The following RUSC1 variants were observed in gnomAD, a reference collection of about 807,000 sequenced individuals.
RUSC1 encodes AP-4 complex accessory subunit RUSC1.
Under a neutral mutation model 72.1 loss-of-function variants are expected in RUSC1, and 40 were observed. That is an observed-to-expected ratio of 0.55 (90% CI 0.43 to 0.72). RUSC1 has a LOEUF of 0.72. RUSC1 is among the 30% of genes least tolerant of loss of function. The pLI is 0.00. For missense variants in RUSC1, 1,092 were observed against 1,172.3 expected, an observed-to-expected ratio of 0.93 and a Z score of 1.00; for synonymous variants, 512 against 494.2, an observed-to-expected ratio of 1.04 and a Z score of -0.48.
rs1650711859 is a variant in RUSC1 at position 155,322,714 on chromosome 1, C to A, written c.941C>A (p.Thr314Lys). The A allele has an allele frequency of 1.2e-6, 2 of 1,614,124 alleles. No individual in the cohort carries two copies. The highest frequency in any genetic ancestry group is 3.3e-5 in the Admixed American group (2 of 60,016). ...SEEPVPHRTI[T>K]SFHELAQKRK... Reference sequence around the variant, plus strand: ...GAGCCGGTGCCCCACCGGACAATCACGTCCTTCCACGAGCTGGCCCAGAAG... The same window carrying A: ...GAGCCGGTGCCCCACCGGACAATCAAGTCCTTCCACGAGCTGGCCCAGAAG... Residue 314 changes from threonine (T) to lysine (K), a missense_variant, in exon 2 of 10, where the codon ACG (threonine) becomes AAG (lysine). Physicochemically the swap from Thr to Lys is moderately conservative, Grantham distance 78. Transcript: ENST00000368352.
rs1052882207 is a variant in RUSC1 at position 155,321,004 on chromosome 1, C to T, written c.-87+13C>T. 18 of 1,506,068 alleles carry T rather than the reference C, an allele frequency of 1.2e-5. No individual in the cohort carries two copies. Among genetic ancestry groups the T allele is most frequent in the South Asian group, 4.5e-5 (4 of 88,966 alleles). The allele number at this position is 1,506,068 out of a possible 1,614,324, so 93.3% of individuals were successfully genotyped here. A position where few individuals can be genotyped will look rare whatever the true frequency, so the allele number is the denominator to read the frequency against. On this transcript the variant is annotated intron_variant, in intron 1 of 9. Transcript: ENST00000368352. ...CAGGAGGACCCTGGTGAGGAGGGCT[C>T]GGCCCATGGGTGTAGACCGATGGAC... is the stretch of plus-strand genomic sequence containing the variant.
rs1650549023 is a variant in RUSC1, at chr1:155,321,717, A to G, written c.-57A>G. On this transcript the variant is annotated 5_prime_UTR_variant, in exon 2 of 10. The change abolishes an upstream ATG in the 5' untranslated region. Coordinates refer to ENST00000368352, the MANE Select transcript of RUSC1 (RefSeq NM_001105203.2). ...GCACCTGTGGTTGCCAGGTAGGTGG[A>G]TGTGAGAGACCCTACCCTTCTGGTT... 1 of 1,598,432 alleles carries G rather than the reference A, an allele frequency of 6.3e-7. No homozygotes were observed. Among genetic ancestry groups the G allele is most frequent in the Non-Finnish European group, 8.6e-7 (1 of 1,169,414 alleles).
chr1:155,324,486 C>T, intron 2 of RUSC1: 1 of 1,606,846 alleles, frequency 6.2e-7, no homozygotes, highest in Non-Finnish European at 8.5e-7. Context: ...CTGGGCTACA[C>T]CTCCCTCCCC....
Position 155,322,747 on chromosome 1 carries a change from G to A in RUSC1, c.974G>A (p.Arg325Gln). ...CACGAGCTGGCCCAGAAGCGCAAGC[G>A]GGGCCCAGGGCTGCCCCTTGTCCCG... Reference protein sequence around the residue: ...SFHELAQKRKRGPGLPLVPQA... With the variant: ...SFHELAQKRKQGPGLPLVPQA... Residue 325 changes from arginine (R) to glutamine (Q), a missense_variant, in exon 2 of 10, where the codon CGG becomes CAG. Transcript: ENST00000368352. 1 of 1,614,116 alleles carries A rather than the reference G, an allele frequency of 6.2e-7. No homozygotes were observed. The highest frequency in any genetic ancestry group is 8.5e-7 in the Non-Finnish European group (1 of 1,179,994).
intron 9 of RUSC1, 76 bp from the exon 10 acceptor site, chr1:155,330,327 T>C: frequency 6.7e-7 from 1 of 1,487,536 alleles, no homozygotes; most frequent in South Asian, 1.2e-5. Context: ...ACAAGGGCAC[T>C]CTAGAGGTGA....
At chr1:155,321,328 C>G (rs764034875) in intron 1 of RUSC1, 1 of 1,373,006 alleles carries the variant, frequency 7.3e-7, no homozygotes, top group African/African-American at 1.5e-5. Flanking sequence ...GTGGGTCTCC[C>G]TGGGTCCCTT....
intron 9 of RUSC1, among the ~76,000 whole-genome samples, chr1:155,328,618 T>G (rs1047780313): frequency 6.6e-6 from 1 of 151,390 alleles, no homozygotes; most frequent in African/African-American, 2.4e-5. Context: ...TTTTTTTTTT[T>G]GAGATGGAGT....
rs921924598 is a variant in RUSC1, at chr1:155,323,032, T to C, written c.1259T>C (p.Ile420Thr). ...AAGAACCGACCTGGACTGCAGCCCA[T>C]AGCGGAGGGGCAGTCCGAGGAGGGC... is the stretch of plus-strand genomic sequence containing the variant. ...RKKNRPGLQP[I>T]AEGQSEEGRA... Residue 420 changes from isoleucine (I) to threonine (T), a missense_variant, in exon 2 of 10, where the codon ATA (isoleucine) becomes ACA (threonine). Physicochemically the swap from Ile to Thr is moderately conservative, Grantham distance 89. Coordinates refer to ENST00000368352, the MANE Select transcript of RUSC1 (RefSeq NM_001105203.2). 34 of 1,234,550 alleles carry C rather than the reference T, an allele frequency of 2.8e-5. No individual in the cohort carries two copies. Among genetic ancestry groups the C allele is most frequent in the Non-Finnish European group, 3.0e-5 (29 of 969,128 alleles). 76.5% of individuals were successfully genotyped at this position (1,234,550 alleles called of 1,614,324 possible).
rs1055413719 is a variant in RUSC1 at position 155,329,890 on chromosome 1, G to A, written c.2541-513G>A. ...GGAGAATTGCTTGAACCTGGGAGGT[G>A]GAGGCTGTTGAGATCACACCACTGC... On this transcript the variant is annotated intron_variant, in intron 9 of 9. Transcript: ENST00000368352. 4.2e-4 allele frequency among the ~76,000 whole-genome samples: 64 copies of A among 150,658 alleles called. 1 individual carries two copies. The highest frequency in any genetic ancestry group is 1.5e-3 in the African/African-American group (63 of 40,916).
At chr1:155,327,201 ACT>A (rs1651510580) in intron 8 of RUSC1, 69 bp downstream of exon 8, 3 of 1,444,902 alleles carry the variant, frequency 2.1e-6, no homozygotes, top group Non-Finnish European at 2.8e-6. Flanking sequence ...TTCATTTGAA[ACT>A]CTCTAGTGAT....
In RUSC1 at chr1:155,322,971, C is replaced by CCG; in HGVS notation, c.1198_1199insCG (p.Arg400ProfsTer22). On this transcript the variant is annotated frameshift_variant, in exon 2 of 10. Coordinates refer to ENST00000368352, the MANE Select transcript of RUSC1 (RefSeq NM_001105203.2). LOFTEE classifies it high-confidence loss of function. ...AGTTGGCTGGGCTTTGGTCCCGCCCCGGCCCCCACCCCCGCCTGTCCCTCC... is the reference window on the plus strand; with the variant it reads ...AGTTGGCTGGGCTTTGGTCCCGCCCCCGGGCCCCCACCCCCGCCTGTCCCTCC... 6.6e-7 allele frequency: 1 copy of CCG among 1,510,344 alleles called. No individual in the cohort carries two copies. Among genetic ancestry groups the CCG allele is most frequent in the Non-Finnish European group, 8.9e-7 (1 of 1,119,446 alleles). The allele number at this position is 1,510,344 out of a possible 1,614,324, so 93.6% of individuals were successfully genotyped here.
At chr1:155,321,477 T>TC (rs760512059) in intron 1 of RUSC1, 3 of 1,466,590 alleles carry the variant, frequency 2.0e-6, no homozygotes, top group Non-Finnish European at 2.7e-6. Flanking sequence ...TCTCTGACCC[T>TC]CCCGGCTCCA....
chr1:155,324,625 G>T, intron 2 of RUSC1: 2 of 1,521,850 alleles, frequency 1.3e-6, no homozygotes, highest in East Asian at 2.4e-5. Flanking sequence ...CAGGGAACCG[G>T]GATGGGGCTG....
rs1651932575 is a variant in RUSC1 at position 155,330,703 on chromosome 1, T to C, written c.*132T>C. On this transcript the variant is annotated 3_prime_UTR_variant, in exon 10 of 10. Transcript: ENST00000368352. Reference sequence around the variant, plus strand: ...TCCCACGTCTGTTTCTGCTAATATTTAAAATAAACTTTCCTTCTTCCCTCC... The same window carrying C: ...TCCCACGTCTGTTTCTGCTAATATTCAAAATAAACTTTCCTTCTTCCCTCC... The C allele has an allele frequency of 1.1e-6, 1 of 877,648 alleles. No individual in the cohort carries two copies. The highest frequency in any genetic ancestry group is 1.7e-6 in the Non-Finnish European group (1 of 598,316). The allele number at this position is 877,648 out of a possible 1,614,324, so 54.4% of individuals were successfully genotyped here. A position where few individuals can be genotyped will look rare whatever the true frequency, so the allele number is the denominator to read the frequency against.
rs778260313 is a variant in RUSC1, at chr1:155,322,704, C to A, written c.931C>A (p.Arg311=). Residue 311 remains arginine (R), a synonymous_variant, in exon 2 of 10, where the codon CGG becomes AGG. Coordinates refer to ENST00000368352, the MANE Select transcript of RUSC1 (RefSeq NM_001105203.2). ...CGTCAGCGAGGAGCCGGTGCCCCAC[C>A]GGACAATCACGTCCTTCCACGAGCT... The part of the protein sequence containing the change: ...SDVSEEPVPH[R]TITSFHELAQ... The A allele has an allele frequency of 1.2e-6, 2 of 1,614,238 alleles. No homozygotes were observed. The highest frequency in any genetic ancestry group is 1.7e-6 in the Non-Finnish European group (2 of 1,180,046).
Position 155,325,503 on chromosome 1 carries a change from G to A in RUSC1, c.1708+13G>A, listed in dbSNP as rs1346070264. The A allele has an allele frequency of 2.5e-6, 4 of 1,599,438 alleles. No homozygotes were observed. The highest frequency in any genetic ancestry group is 3.3e-5 in the Admixed American group (2 of 59,710). ...TCGGTGAAGCCAGGTGAGCCAGGAG[G>A]GCGTGGGACCCGGCAGTGCGCAGGG... On this transcript the variant is annotated intron_variant, in intron 5 of 9. Transcript: ENST00000368352. This position sits in a 1 kb window ranked among gnomAD's most constrained non-coding sequence, Gnocchi z 6.5.
chr1:155,324,545 G>T, intron 2 of RUSC1: 1 of 1,590,296 alleles, frequency 6.3e-7, no homozygotes. Flanking sequence ...CAGGCGGGAG[G>T]TGAGCGCGGC....
Position 155,327,096 on chromosome 1 carries a change from G to C in RUSC1, c.2378G>C (p.Gly793Ala), listed in dbSNP as rs1008100381. The change falls in exon 8 of 10, where the codon GGC becomes GCC. Residue 793 changes from glycine to alanine, a missense_variant. Gly to Ala is a moderately conservative substitution (Grantham distance 60). Coordinates refer to ENST00000368352, the MANE Select transcript of RUSC1 (RefSeq NM_001105203.2). Reference protein sequence around the residue: ...WLGRLFGVPGGPAENENGALK... With the variant: ...WLGRLFGVPGAPAENENGALK... ...GGAAGACTATTTGGAGTGCCTGGGG[G>C]CCCCGCAGAAAATGAGAATGGAGCC... 6.2e-7 allele frequency: 1 copy of C among 1,608,340 alleles called. No homozygotes were observed. The highest frequency in any genetic ancestry group is 1.7e-5 in the Admixed American group (1 of 59,724).
chr1:155,325,253 C>CGGGAGGTGGCT lies in RUSC1; in HGVS notation c.1534-54_1534-44dup, dbSNP rs753164967. 1 of 1,610,278 alleles carries CGGGAGGTGGCT rather than the reference C, an allele frequency of 6.2e-7. No individual in the cohort carries two copies. The highest frequency in any genetic ancestry group is 1.7e-5 in the Admixed American group (1 of 60,008). On this transcript the variant is annotated intron_variant, in intron 4 of 9. Transcript: ENST00000368352. The surrounding 1 kb of genome is among the most constrained non-coding windows in gnomAD (Gnocchi z 6.5). ...CCGCGGGGGGTGCGGGAATGGTTGG[C>CGGGAGGTGGCT]GGGAGGTGGCTGGGAGGTGTCTGGA...
Sources: gnomAD v4.1 joint callset for allele counts (sites outside exome capture counted in the v4.1 genomes callset) on GRCh38, gnomAD v4.1.1 for gene constraint, Gnocchi (gnomAD v3.1) non-coding constraint, MANE v1.5 for transcripts, NCBI Gene and HGNC (gene_info 2026-07-23, HGNC 2026-07-21) for gene names.